Variants in MACROD2 observed in about 807,000 individuals in gnomAD.
MACROD2 encodes the protein mono-ADP ribosylhydrolase 2.
Under a neutral mutation model 70.4 loss-of-function variants are expected in MACROD2, and 36 were observed. That is an observed-to-expected ratio of 0.51 (90% CI 0.39 to 0.68). The LOEUF is 0.68. Ranked by LOEUF, MACROD2 falls within the 30% of genes least tolerant of loss-of-function variation. The pLI, the probability that MACROD2 is intolerant of heterozygous loss-of-function variation, is 0.00. For synonymous variants in MACROD2, 172 were observed against 178.8 expected, an observed-to-expected ratio of 0.96 and a Z score of 0.30; for missense variants, 496 against 538.4, an observed-to-expected ratio of 0.92 and a Z score of 0.78.
intron 5 of MACROD2, among the ~76,000 whole-genome samples, chr20:15,158,198 C>T (rs1206256052): frequency 1.3e-5 from 2 of 152,108 alleles, no homozygotes; most frequent in African/African-American, 2.4e-5. Context: ...GTTTTTGAAA[C>T]GTGGCTTTCA....
chr20:15,008,392 A>G (rs1245799474), intron 5 of MACROD2, among the ~76,000 whole-genome samples: 1 of 152,140 alleles, frequency 6.6e-6, no homozygotes, highest in Admixed American at 6.5e-5. Context: ...ATTTATTTTT[A>G]TTATTATTTT....
At chr20:15,258,981 A>G (rs902407713) in intron 6 of MACROD2, among the ~76,000 whole-genome samples, 4 of 152,046 alleles carry the variant, frequency 2.6e-5, no homozygotes, top group Non-Finnish European at 5.9e-5. Flanking sequence ...TCTTCTAGAT[A>G]TAAATAATTA....
intron 15 of MACROD2, among the ~76,000 whole-genome samples, chr20:16,028,759 G>A (rs2067114564): frequency 6.6e-6 from 1 of 152,172 alleles, no homozygotes; most frequent in African/African-American, 2.4e-5. Flanking sequence ...AAATGTGTGT[G>A]TCTACAGTGT....
chr20:14,125,689 A>T (rs927206406), intron 3 of MACROD2, among the ~76,000 whole-genome samples: 1 of 152,146 alleles, frequency 6.6e-6, no homozygotes, highest in Non-Finnish European at 1.5e-5. Context: ...TTATCATTTA[A>T]TGATGCATTA....
intron 3 of MACROD2, among the ~76,000 whole-genome samples, chr20:14,157,594 C>G (rs1284903895): frequency 6.6e-6 from 1 of 152,100 alleles, no homozygotes; most frequent in Non-Finnish European, 1.5e-5. Context: ...TATCACTTTA[C>G]TCTCTACCTT....
intron 3 of MACROD2, among the ~76,000 whole-genome samples, chr20:14,258,330 C>T (rs767683110): frequency 6.6e-6 from 1 of 152,154 alleles, no homozygotes; most frequent in Non-Finnish European, 1.5e-5. Context: ...TACTAGTTTA[C>T]ATTCCCACCA....
At chr20:14,833,829 A>G (rs2072998775) in intron 5 of MACROD2, among the ~76,000 whole-genome samples, 1 of 152,066 alleles carries the variant, frequency 6.6e-6, no homozygotes, top group African/African-American at 2.4e-5. Context: ...ATTTCAACTT[A>G]TTTGTTACTA....
chr20:14,990,544 C>T lies in MACROD2; in HGVS notation c.419-239396C>T, dbSNP rs151091990. Among the ~76,000 whole-genome samples the T allele has an allele frequency of 9.9e-4, 138 of 139,790 alleles. 1 individual carries two copies. The highest frequency in any genetic ancestry group is 4.2e-3 in the Middle Eastern group (1 of 236). The allele number at this position is 139,790 out of a possible 152,430, so 91.7% of individuals were successfully genotyped here. On this transcript the variant is annotated intron_variant, in intron 5 of 17. Coordinates refer to ENST00000684519, the MANE Select transcript of MACROD2 (RefSeq NM_001351661.2). ...TTTTTTTTTTTTTGAGATGGAGTCT[C>T]GCTCTGCCGCCCAGGCTGGAGTGCA... is the stretch of plus-strand genomic sequence containing the variant.
intron 8 of MACROD2, among the ~76,000 whole-genome samples, chr20:15,841,997 G>A (rs935641210): frequency 4.6e-5 from 7 of 152,086 alleles, no homozygotes; most frequent in Non-Finnish European, 1.0e-4. Flanking sequence ...AATTGGGTAG[G>A]TGTGTTGGGC....
chr20:14,496,601 A>G (rs1308840504), intron 4 of MACROD2, among the ~76,000 whole-genome samples: 1 of 152,194 alleles, frequency 6.6e-6, no homozygotes, highest in Admixed American at 6.5e-5. Flanking sequence ...CTATGAATGT[A>G]TTGCCACTGA....
intron 6 of MACROD2, among the ~76,000 whole-genome samples, chr20:15,430,398 A>C (rs1179281501): frequency 6.6e-6 from 1 of 152,084 alleles, no homozygotes; most frequent in Non-Finnish European, 1.5e-5. Context: ...ACTAATTTAC[A>C]TTCCCACCAA....
intron 7 of MACROD2, among the ~76,000 whole-genome samples, chr20:15,455,172 C>G (rs982691984): frequency 6.6e-6 from 1 of 152,150 alleles, no homozygotes; most frequent in African/African-American, 2.4e-5. Flanking sequence ...AGACACTGGG[C>G]GTGCAGGCAG....
intron 7 of MACROD2, among the ~76,000 whole-genome samples, chr20:15,452,642 C>G (rs1205548599): frequency 6.6e-6 from 1 of 152,126 alleles, no homozygotes; most frequent in African/African-American, 2.4e-5. Flanking sequence ...CTGTTCTGAT[C>G]AAGTTTACCC....
chr20:15,790,739 C>T (rs1380181018), intron 8 of MACROD2, among the ~76,000 whole-genome samples: 1 of 151,814 alleles, frequency 6.6e-6, no homozygotes, highest in Non-Finnish European at 1.5e-5. Flanking sequence ...AAAAAATTAT[C>T]ATTAGTTGCT....
At chr20:14,008,754 C>T (rs182201348) in intron 2 of MACROD2, among the ~76,000 whole-genome samples, 1 of 152,238 alleles carries the variant, frequency 6.6e-6, no homozygotes, top group East Asian at 1.9e-4. Flanking sequence ...TGGCATGGGA[C>T]TGGTACAAGA....
intron 3 of MACROD2, among the ~76,000 whole-genome samples, chr20:14,125,534 G>C (rs1221324909): frequency 6.6e-6 from 1 of 151,988 alleles, no homozygotes; most frequent in Non-Finnish European, 1.5e-5. Flanking sequence ...CACCATAATT[G>C]TACCACTCAG....
chr20:14,097,092 A>G (rs140630094), intron 3 of MACROD2, among the ~76,000 whole-genome samples: 115 of 152,290 alleles, frequency 7.6e-4, no homozygotes, highest in African/African-American at 2.7e-3. Context: ...CCAAAGCACT[A>G]CTAATATTAT....
chr20:14,164,895 G>A (rs983680138), intron 3 of MACROD2, among the ~76,000 whole-genome samples: 17 of 152,118 alleles, frequency 1.1e-4, no homozygotes, highest in African/African-American at 3.6e-4. Flanking sequence ...CTCATGCTTT[G>A]GCCTTGCAGT....
At chr20:14,816,577 C>G (rs556706813) in intron 5 of MACROD2, among the ~76,000 whole-genome samples, 3 of 152,128 alleles carry the variant, frequency 2.0e-5, no homozygotes, top group Non-Finnish European at 4.4e-5. Flanking sequence ...AGCAGAACCA[C>G]TTTCATATTT....
Sources: gnomAD v4.1 joint callset for allele counts (sites outside exome capture counted in the v4.1 genomes callset) on GRCh38, gnomAD v4.1.1 for gene constraint, MANE v1.5 for transcripts, NCBI Gene and HGNC (gene_info 2026-07-23, HGNC 2026-07-21) for gene names.